The following ULK4 variants were observed in gnomAD, a reference collection of about 807,000 sequenced individuals.
ULK4 encodes the protein inactive serine/threonine-protein kinase ULK4.
ULK4 carries 133 observed loss-of-function variants against 160.6 expected under a neutral mutation model. The observed-to-expected ratio is 0.83, with a 90% CI of 0.72 to 0.96. The LOEUF is 0.96. ULK4 is among the 40% of genes least tolerant of loss of function. The pLI is 0.00. For missense variants in ULK4, 1,580 were observed against 1,499.5 expected, an observed-to-expected ratio of 1.05 and a Z score of -0.89; for synonymous variants, 534 against 539.8, an observed-to-expected ratio of 0.99 and a Z score of 0.15.
chr3:41,572,664 G>GCCCT (rs560202495), intron 31 of ULK4, among the ~76,000 whole-genome samples: 2 of 151,648 alleles, frequency 1.3e-5, no homozygotes, highest in South Asian at 2.1e-4. Context: ...TACTGAGGAG[G>GCCCT]CTGAGGCAGA....
chr3:41,918,015 A>G (rs941713517), intron 7 of ULK4, among the ~76,000 whole-genome samples: 1 of 139,910 alleles, frequency 7.1e-6, no homozygotes, highest in African/African-American at 2.9e-5. Flanking sequence ...AAATAAATAA[A>G]TAAATAAATA....
At chr3:41,880,238 T>A (rs1697466874) in intron 17 of ULK4, among the ~76,000 whole-genome samples, 1 of 152,222 alleles carries the variant, frequency 6.6e-6, no homozygotes, top group South Asian at 2.1e-4. Flanking sequence ...TTTTTAAAAT[T>A]ATTACACATA....
chr3:41,519,876 G>A (rs1407730254), intron 32 of ULK4, among the ~76,000 whole-genome samples: 1 of 152,028 alleles, frequency 6.6e-6, no homozygotes, highest in Non-Finnish European at 1.5e-5. Flanking sequence ...AAAATAGCTG[G>A]CTGTCCACAA....
chr3:41,453,862 T>C (rs897262531), intron 34 of ULK4, among the ~76,000 whole-genome samples: 1 of 151,558 alleles, frequency 6.6e-6, no homozygotes, highest in African/African-American at 2.4e-5. Context: ...AAAGGATGAG[T>C]TCATGTCCTT....
At chr3:41,907,542 T>C (rs1380615468) in intron 12 of ULK4, among the ~76,000 whole-genome samples, 2 of 152,070 alleles carry the variant, frequency 1.3e-5, no homozygotes, top group African/African-American at 2.4e-5. Flanking sequence ...CAAGTGATCC[T>C]CCTGTCTCAG....
intron 17 of ULK4, among the ~76,000 whole-genome samples, chr3:41,883,338 C>T (rs1247091978): frequency 2.0e-5 from 3 of 152,164 alleles, no homozygotes; most frequent in Non-Finnish European, 4.4e-5. Context: ...TTTTTACTTC[C>T]TTCAGGAGCT....
intron 34 of ULK4, among the ~76,000 whole-genome samples, chr3:41,406,209 A>G (rs1006391693): frequency 6.6e-6 from 1 of 152,156 alleles, no homozygotes; most frequent in Non-Finnish European, 1.5e-5. Flanking sequence ...TTCCAGCACC[A>G]TTTACTAAAT....
At chr3:41,706,878 T>C (rs1180242069) in intron 25 of ULK4, among the ~76,000 whole-genome samples, 1 of 130,188 alleles carries the variant, frequency 7.7e-6, no homozygotes, top group East Asian at 2.0e-4. Flanking sequence ...TGTGTGTGTG[T>C]GTGTGTGTGT....
chr3:41,486,414 C>T (rs9845791), intron 32 of ULK4, among the ~76,000 whole-genome samples: 62,247 of 151,942 alleles, frequency 0.41, 12,930 homozygotes, highest in African/African-American at 0.43. Context: ...TGAGAACAAG[C>T]AGAGGCTACT....
At chr3:41,776,257 A>G (rs2039615976) in intron 21 of ULK4, among the ~76,000 whole-genome samples, 1 of 151,042 alleles carries the variant, frequency 6.6e-6, no homozygotes, top group African/African-American at 2.5e-5. Flanking sequence ...GTAATTCTTC[A>G]CATTCTATGC....
intron 30 of ULK4, among the ~76,000 whole-genome samples, chr3:41,635,802 T>C (rs1300563284): frequency 1.3e-5 from 2 of 152,230 alleles, no homozygotes; most frequent in Non-Finnish European, 2.9e-5. Context: ...GGATATCTAC[T>C]TAAGAGCCTG....
chr3:41,888,073 G>A (rs1697792623), intron 16 of ULK4, among the ~76,000 whole-genome samples: 1 of 151,646 alleles, frequency 6.6e-6, no homozygotes, highest in African/African-American at 2.4e-5. Context: ...TCCAGCCTCG[G>A]GGACACAGTG....
chr3:41,770,399 G>A lies in ULK4; in HGVS notation c.2194-15911C>T, dbSNP rs17062195. On this transcript the variant is annotated intron_variant, in intron 21 of 36. Transcript: ENST00000301831. Reference sequence around the variant, plus strand: ...TGACTGGGGAATTTTTCTGTAGGGCGGTAACCACTTGTTACTCCTTCACAT... The same window carrying A: ...TGACTGGGGAATTTTTCTGTAGGGCAGTAACCACTTGTTACTCCTTCACAT... Among the ~76,000 whole-genome samples the A allele has an allele frequency of 1.4e-3, 211 of 152,040 alleles. 3 individuals carry two copies. The East Asian group carries it at 0.034, about 25-fold the overall frequency.
At chr3:41,935,051 C>T (rs1434842346) in intron 4 of ULK4, among the ~76,000 whole-genome samples, 49 of 126,344 alleles carry the variant, frequency 3.9e-4, no homozygotes, top group African/African-American at 1.1e-3. Context: ...AATGGAGTCT[C>T]GCTCTGTCAC....
At chr3:41,858,498 G>T (rs1234150544) in intron 17 of ULK4, among the ~76,000 whole-genome samples, 1 of 144,630 alleles carries the variant, frequency 6.9e-6, no homozygotes, top group Non-Finnish European at 1.5e-5. Flanking sequence ...TTTGTTTCCA[G>T]AAATTTTTCA....
At position 41,763,915 on chromosome 3, in the gene ULK4, T is replaced by A. The variant is rs114824418; in HGVS notation, c.2194-9427A>T. Reference sequence around the variant, plus strand: ...TTTAATTCTGAGCATAGAGCAAATATTAACAAACACACATGGCAGTCAATT... The same window carrying A: ...TTTAATTCTGAGCATAGAGCAAATAATAACAAACACACATGGCAGTCAATT... On this transcript the variant is annotated intron_variant, in intron 21 of 36. Coordinates refer to ENST00000301831, the MANE Select transcript of ULK4 (RefSeq NM_017886.4). 6.5e-3 allele frequency among the ~76,000 whole-genome samples: 997 copies of A among 152,328 alleles called. 9 individuals are homozygous for A. The highest frequency in any genetic ancestry group is 0.023 in the African/African-American group (963 of 41,576).
chr3:41,251,554 A>C (rs952636184), intron 35 of ULK4, among the ~76,000 whole-genome samples: 1 of 152,178 alleles, frequency 6.6e-6, no homozygotes, highest in African/African-American at 2.4e-5. Flanking sequence ...CCAAACCCCA[A>C]AAGCCCTAGA....
intron 34 of ULK4, among the ~76,000 whole-genome samples, chr3:41,429,532 C>A (rs189758136): frequency 2.2e-4 from 34 of 152,122 alleles, no homozygotes; most frequent in Non-Finnish European, 3.8e-4. Context: ...ATAAAGAAAA[C>A]GTGGCACATA....
intron 7 of ULK4, among the ~76,000 whole-genome samples, chr3:41,918,256 C>CTAT (rs1187711991): frequency 6.6e-6 from 1 of 152,048 alleles, no homozygotes; most frequent in African/African-American, 2.4e-5. Context: ...TGAGGGAAAT[C>CTAT]TATTAGTACT....
Sources: allele counts gnomAD v4.1 joint callset (sites outside exome capture counted in the v4.1 genomes callset), GRCh38; gene constraint gnomAD v4.1.1; transcripts MANE v1.5; gene names NCBI Gene and HGNC (gene_info 2026-07-23, HGNC 2026-07-21).